The following LMNTD2 variants were observed in gnomAD, a reference collection of about 807,000 sequenced individuals.
LMNTD2 encodes lamin tail domain containing 2.
Under a neutral mutation model 70.1 loss-of-function variants are expected in LMNTD2, and 83 were observed. That is an observed-to-expected ratio of 1.18 (90% CI 0.99 to 1.42). The LOEUF (loss-of-function observed/expected upper bound fraction) is 1.42, where lower values mean the gene tolerates loss of function less well. LMNTD2 is among the 40% of genes most tolerant of loss of function. The pLI is 0.00. For missense variants in LMNTD2, 1,153 were observed against 905.9 expected (o/e 1.27, Z -3.50); for synonymous variants, 534 against 406.1 (o/e 1.31, Z -3.79).
Position 556,063 on chromosome 11 carries a change from C to T in LMNTD2, c.1310G>A (p.Ser437Asn), listed in dbSNP as rs144614541. The change falls in exon 11 of 14, where the codon AGC becomes AAC. Residue 437 changes from serine to asparagine, a missense_variant. Ser to Asn is a conservative substitution (Grantham distance 46). Transcript: ENST00000329451. ...SAKKPLRASS[S>N]REPVPLLSIR... ...GGAGAGGAGGGGAACGGGCTCCCGGCTCGAGGACGCGCGCAGCGGCTTCTT... is the reference window on the plus strand; with the variant it reads ...GGAGAGGAGGGGAACGGGCTCCCGGTTCGAGGACGCGCGCAGCGGCTTCTT... The T allele has an allele frequency of 0.038, 58,902 of 1,547,060 alleles. 1,229 individuals carry two copies. Among genetic ancestry groups the T allele is most frequent in the Middle Eastern group, 0.073 (329 of 4,498 alleles).
chr11:557,933 CG>C lies in LMNTD2; in HGVS notation c.505del (p.Arg169AlafsTer18), dbSNP rs765157679. On this transcript the variant is annotated frameshift_variant, in exon 5 of 14. Coordinates refer to ENST00000329451, the MANE Select transcript of LMNTD2 (RefSeq NM_173573.3). LOFTEE classifies it high-confidence loss of function. Reference protein sequence around the residue: ...LQKSCLLQLARSSWVGRMLRS... With the variant: ...LQKSCLLQLAXSSWVGRMLRS... Reference sequence around the variant, plus strand: ...TAGCATGCGGCCCACCCACGAGGAGCGGGCCAGCTGCAGGAGGCAGGACTTC... The same window carrying C: ...TAGCATGCGGCCCACCCACGAGGAGCGGCCAGCTGCAGGAGGCAGGACTTC... 1.3e-5 allele frequency: 21 copies of C among 1,593,176 alleles called. No homozygotes were observed. The African/African-American group carries it at 2.5e-4, about 19-fold the overall frequency.
At chr11:555,550 G>A (rs1217329927) in intron 12 of LMNTD2, 47 bp from the exon 13 acceptor site, 14 of 1,308,920 alleles carry the variant, frequency 1.1e-5, no homozygotes, top group Non-Finnish European at 1.4e-5. Context: ...CGGGAAAGGC[G>A]GCCCTAGAGG....
At chr11:558,356 C>T in intron 3 of LMNTD2, 108 bp from the exon 4 acceptor site, 4 of 1,308,350 alleles carry the variant, frequency 3.1e-6, no homozygotes, top group Non-Finnish European at 4.2e-6. Flanking sequence ...GCCACCTTGG[C>T]CCCAAGGGCA....
At chr11:557,664 G>A in intron 5 of LMNTD2, 24 bp from the exon 6 acceptor site, 1 of 1,613,034 alleles carries the variant, frequency 6.2e-7, no homozygotes, top group Non-Finnish European at 8.5e-7. Flanking sequence ...CCGGAAGCCA[G>A]TGGGCAGGGG....
intron 12 of LMNTD2, 39 bp downstream of exon 12, chr11:555,695 G>GGGGA: frequency 7.3e-7 from 1 of 1,369,068 alleles, no homozygotes; most frequent in African/African-American, 1.5e-5. Flanking sequence ...GTCGGGGCCT[G>GGGGA]GGGAGGGAGG....
In LMNTD2 at chr11:560,696, C is replaced by G. The variant is rs1287455198; in HGVS notation, c.21G>C (p.Ala7=). 1 of 1,440,972 alleles carries G rather than the reference C, an allele frequency of 6.9e-7. No individual in the cohort carries two copies. The highest frequency in any genetic ancestry group is 9.2e-7 in the Non-Finnish European group (1 of 1,089,074). The allele number at this position is 1,440,972 out of a possible 1,614,324, so 89.3% of individuals were successfully genotyped here. Residue 7 remains alanine, a synonymous_variant, in exon 1 of 14, where the codon GCG becomes GCC. Transcript: ENST00000329451. The part of the protein sequence containing the change: MRWLRP[A]GRRREQESVS... ...CCAGACACCTACCCCGACGCCTGCC[C>G]GCGGGCCGCAGCCACCGCATTTCCG...
chr11:559,501 G>A lies in LMNTD2; in HGVS notation c.35-522C>T, dbSNP rs1029846938. The A allele has an allele frequency of 2.8e-5, 36 of 1,282,194 alleles. No individual in the cohort carries two copies. In the South Asian group the frequency reaches 3.7e-4, roughly 13 times the overall value. The allele number at this position is 1,282,194 out of a possible 1,614,324, so 79.4% of individuals were successfully genotyped here. A position where few individuals can be genotyped will look rare whatever the true frequency, so the allele number is the denominator to read the frequency against. On this transcript the variant is annotated intron_variant, in intron 1 of 13. Transcript: ENST00000329451. ...GGTGAGTTCTGGGCCAGCCCAGCCT[G>A]GAGGAGGTGTGAGAGGCTGAGCCAC...
intron 1 of LMNTD2, 99 bp from the exon 2 acceptor site, chr11:559,078 G>T: frequency 8.4e-6 from 13 of 1,551,026 alleles, no homozygotes; most frequent in Non-Finnish European, 1.1e-5. Flanking sequence ...AGGGGTGGGG[G>T]GCCCGTCTGC....
intron 1 of LMNTD2, chr11:559,356 G>T (rs771146429): frequency 8.9e-6 from 12 of 1,344,914 alleles, no homozygotes; most frequent in Non-Finnish European, 1.2e-5. Flanking sequence ...CCTGAGGCCC[G>T]ACCTCCAAGC....
At chr11:559,532 A>C (rs1293770087) in intron 1 of LMNTD2, 1 of 1,241,782 alleles carries the variant, frequency 8.1e-7, no homozygotes, top group African/African-American at 1.6e-5. Flanking sequence ...GCCACTGCTC[A>C]GCTTAGCGGG....
chr11:555,352 CG>C lies in LMNTD2; in HGVS notation c.1725del (p.Leu577TrpfsTer95). 2.1e-6 allele frequency: 3 copies of C among 1,421,540 alleles called. No individual in the cohort carries two copies. Among genetic ancestry groups the C allele is most frequent in the Non-Finnish European group, 1.8e-6 (2 of 1,090,730 alleles). The allele number at this position is 1,421,540 out of a possible 1,614,324, so 88.1% of individuals were successfully genotyped here. On this transcript the variant is annotated frameshift_variant, in exon 13 of 14. Coordinates refer to ENST00000329451, the MANE Select transcript of LMNTD2 (RefSeq NM_173573.3). LOFTEE classifies it low-confidence loss of function (END_TRUNC). The part of the protein sequence containing the change: ...DPTLPSPPAE[A>X]GLGLEDCRLQ... Reference sequence around the variant, plus strand: ...AGCCGACAGTCCTCCAGGCCCAGCCCGGCCTCTGCGGGAGGCGACGGCAGGG... The same window carrying C: ...AGCCGACAGTCCTCCAGGCCCAGCCCGCCTCTGCGGGAGGCGACGGCAGGG...
At chr11:558,547 G>A (rs1414578132) in intron 3 of LMNTD2, 67 bp downstream of exon 3, 26 of 1,525,172 alleles carry the variant, frequency 1.7e-5, no homozygotes, top group Non-Finnish European at 2.2e-5. Flanking sequence ...GTTGGGGTCA[G>A]ACAGAAACCA....
chr11:556,970 C>T lies in LMNTD2; in HGVS notation c.841G>A (p.Ala281Thr), dbSNP rs200530408. 4.5e-5 allele frequency: 73 copies of T among 1,605,654 alleles called. 1 individual carries two copies. In the African/African-American group the frequency reaches 6.3e-4, roughly 14 times the overall value. ...CGGCAGCTGCTGGAGTCGGAGTCAGCGCCCCCTGAGCTGCTGGTGTTCAGA... is the reference window on the plus strand; with the variant it reads ...CGGCAGCTGCTGGAGTCGGAGTCAGTGCCCCCTGAGCTGCTGGTGTTCAGA... ...PCLNTSSSGG[A>T]DSDSSSCRPG... Residue 281 changes from alanine to threonine, a missense_variant, in exon 8 of 14, where the codon GCT becomes ACT. Coordinates refer to ENST00000329451, the MANE Select transcript of LMNTD2 (RefSeq NM_173573.3).
In LMNTD2 at chr11:556,514, A is replaced by G. The variant is rs765647861; in HGVS notation, c.1051T>C (p.Trp351Arg). The G allele has an allele frequency of 6.4e-7, 1 of 1,554,596 alleles. No homozygotes were observed. Among genetic ancestry groups the G allele is most frequent in the Non-Finnish European group, 8.7e-7 (1 of 1,149,162 alleles). ...SPQPCTDPDH[W>R]SPELLQSPTG... ...TACCTCTGCAGGAGTTCCGGGCTCCAGTGGTCCGGGTCTGTGCAGGGCTGG... is the reference window on the plus strand; with the variant it reads ...TACCTCTGCAGGAGTTCCGGGCTCCGGTGGTCCGGGTCTGTGCAGGGCTGG... The change falls in exon 9 of 14, where the codon TGG becomes CGG. Residue 351 changes from tryptophan (W) to arginine (R), a missense_variant. Trp to Arg is a moderately radical substitution (Grantham distance 101). Transcript: ENST00000329451.
chr11:557,854 G>C (rs1331194381), intron 5 of LMNTD2, 30 bp downstream of exon 5: 2 of 1,536,610 alleles, frequency 1.3e-6, no homozygotes, highest in East Asian at 4.7e-5. Flanking sequence ...AGGGCAGCCT[G>C]GGGCAGGAGG....
At chr11:555,643 G>A (rs1406470759) in intron 12 of LMNTD2, 91 bp downstream of exon 12, 11 of 1,279,906 alleles carry the variant, frequency 8.6e-6, no homozygotes, top group South Asian at 1.9e-5. Flanking sequence ...GGGAAGTAGG[G>A]GTCCGTCCTA....
At position 556,324 on chromosome 11, in the gene LMNTD2, G is replaced by A. The variant is rs1340578610; in HGVS notation, c.1125C>T (p.Arg375=). Residue 375 remains arginine, a synonymous_variant, in exon 10 of 14, where the codon CGC becomes CGT. Coordinates refer to ENST00000329451, the MANE Select transcript of LMNTD2 (RefSeq NM_173573.3). ...TGCTCTCCTGCGACGGGTTGAAGAT[G>A]CGGACGAACTTCTCCCGGCAGCTCA... is the stretch of plus-strand genomic sequence containing the variant. ...VAVSCREKFV[R]IFNPSQESTA... is the part of the protein sequence containing the mutation. The A allele has an allele frequency of 1.3e-6, 2 of 1,535,826 alleles. No homozygotes were observed. The highest frequency in any genetic ancestry group is 2.4e-5 in the East Asian group (1 of 40,908).
In LMNTD2 at chr11:555,724, C is replaced by A; in HGVS notation, c.1574+10G>T. On this transcript the variant is annotated intron_variant, in intron 12 of 13. Coordinates refer to ENST00000329451, the MANE Select transcript of LMNTD2 (RefSeq NM_173573.3). ...AGGGAGGCCAGATCCCGGGGACCCG[C>A]GGTCCCCACCCTGGTCTCCGGCGAC... 1 of 1,383,278 alleles carries A rather than the reference C, an allele frequency of 7.2e-7. No individual in the cohort carries two copies. Among genetic ancestry groups the A allele is most frequent in the Non-Finnish European group, 9.3e-7 (1 of 1,078,592 alleles). 85.7% of individuals were successfully genotyped at this position (1,383,278 alleles called of 1,614,324 possible).
At chr11:559,494 C>T in intron 1 of LMNTD2, 4 of 1,288,150 alleles carry the variant, frequency 3.1e-6, no homozygotes, top group Non-Finnish European at 4.1e-6. Context: ...CTGGGCCAGC[C>T]CAGCCTGGAG....
Sources: gnomAD v4.1 joint callset for allele counts on GRCh38, gnomAD v4.1.1 for gene constraint, MANE v1.5 for transcripts, NCBI Gene and HGNC (gene_info 2026-07-23, HGNC 2026-07-21) for gene names.